The following DSG1 variants were observed in gnomAD, a reference collection of about 807,000 sequenced individuals.
DSG1 encodes desmoglein 1.
In DSG1, 39 loss-of-function variants were observed where a neutral mutation model predicts 97.5. The observed-to-expected ratio is 0.40, with a 90% CI of 0.31 to 0.52. DSG1 has a LOEUF of 0.52. Ranked by LOEUF, DSG1 falls within the 20% of genes least tolerant of loss-of-function variation. The pLI is 0.53. For missense variants in DSG1, 1,311 were observed against 1,295.4 expected, an observed-to-expected ratio of 1.01 and a Z score of -0.18; for synonymous variants, 475 against 443.4, an observed-to-expected ratio of 1.07 and a Z score of -0.90.
At position 31,323,976 on chromosome 18, in the gene DSG1, C is replaced by CTTTTTTTTTTTTTTT. The variant is rs1203163479; in HGVS notation, c.49-2597_49-2583dup. The stretch of plus-strand genomic sequence containing the variant: ...TCTTTCGCCACTCCTTCTCTCCTTC[C>CTTTTTTTTTTTTTTT]TTTTTTTTTTTTTTTTTTTTTTCTT... On this transcript the variant is annotated intron_variant, in intron 1 of 14. Transcript: ENST00000257192. Among the ~76,000 whole-genome samples, 36 of 94,978 alleles carry CTTTTTTTTTTTTTTT rather than the reference C, an allele frequency of 3.8e-4. 1 individual carries two copies. Among genetic ancestry groups the CTTTTTTTTTTTTTTT allele is most frequent in the Admixed American group, 5.7e-4 (4 of 7,028 alleles). The allele number at this position is 94,978 out of a possible 152,430, so 62.3% of individuals were successfully genotyped here. A position where few individuals can be genotyped will look rare whatever the true frequency, so the allele number is the denominator to read the frequency against.
intron 1 of DSG1, among the ~76,000 whole-genome samples, chr18:31,320,882 T>C (rs933911197): frequency 6.6e-6 from 1 of 152,180 alleles, no homozygotes; most frequent in African/African-American, 2.4e-5. Flanking sequence ...GTTTTAATGA[T>C]TTCTGAAAAT....
At position 31,355,578 on chromosome 18, in the gene DSG1, A is replaced by G; in HGVS notation, c.*232A>G. 2 of 557,514 alleles carry G rather than the reference A, an allele frequency of 3.6e-6. No individual in the cohort carries two copies. The highest frequency in any genetic ancestry group is 6.4e-6 in the Non-Finnish European group (2 of 312,012). The allele number at this position is 557,514 out of a possible 1,614,324, so 34.5% of individuals were successfully genotyped here. On this transcript the variant is annotated 3_prime_UTR_variant, in exon 15 of 15. Transcript: ENST00000257192. ...GGACTAAGGAACTAAAACTTGAGGC[A>G]GAGTCTTCTTTGTGCCTGAGTGGCC... is the stretch of plus-strand genomic sequence containing the variant.
In DSG1 at chr18:31,355,357, A is replaced by T; in HGVS notation, c.*11A>T. 6.2e-7 allele frequency: 1 copy of T among 1,613,446 alleles called. No individual in the cohort carries two copies. Among genetic ancestry groups the T allele is most frequent in the Non-Finnish European group, 8.5e-7 (1 of 1,179,550 alleles). On this transcript the variant is annotated 3_prime_UTR_variant, in exon 15 of 15. Transcript: ENST00000257192. Reference sequence around the variant, plus strand: ...CAATATAGCAAGTAGTCAGGACCCCAGCTCACTTTTTCATAGTCATTGTGG... The same window carrying T: ...CAATATAGCAAGTAGTCAGGACCCCTGCTCACTTTTTCATAGTCATTGTGG...
intron 13 of DSG1, 113 bp from the exon 14 acceptor site, chr18:31,345,877 T>C: frequency 1.3e-6 from 1 of 760,080 alleles, no homozygotes; most frequent in Non-Finnish European, 2.2e-6. Flanking sequence ...TTTTTATTTC[T>C]TTGTTCACAA....
In DSG1 at chr18:31,327,133, C is replaced by T. The variant is rs765054; in HGVS notation, c.216+128C>T. The T allele has an allele frequency of 0.46, 566,776 of 1,224,534 alleles. 138,331 individuals are homozygous for T. The highest frequency in any genetic ancestry group is 0.49 in the Non-Finnish European group (422,156 of 853,560). The allele number at this position is 1,224,534 out of a possible 1,614,324, so 75.9% of individuals were successfully genotyped here. On this transcript the variant is annotated intron_variant, in intron 3 of 14. Coordinates refer to ENST00000257192, the MANE Select transcript of DSG1 (RefSeq NM_001942.4). ...ACGATACAGAACAGAACTATAGTCA[C>T]CTAGATGATGAAAACTGAAACTCAT...
At chr18:31,339,707 G>A in intron 10 of DSG1, 37 bp from the exon 11 acceptor site, 1 of 1,517,066 alleles carries the variant, frequency 6.6e-7, no homozygotes, top group Middle Eastern at 1.7e-4. Flanking sequence ...TACACTAAAT[G>A]TCTAAAATAT....
intron 14 of DSG1, among the ~76,000 whole-genome samples, chr18:31,348,630 G>C (rs900980671): frequency 3.2e-4 from 49 of 151,438 alleles, no homozygotes; most frequent in Non-Finnish European, 6.6e-4. Flanking sequence ...CCCAGCACCT[G>C]TTGTTTCCTG....
chr18:31,336,794 T>C (rs1237339307), intron 9 of DSG1, among the ~76,000 whole-genome samples, 181 bp downstream of exon 9: 1 of 152,188 alleles, frequency 6.6e-6, no homozygotes, highest in African/African-American at 2.4e-5. Context: ...ACATAAAAAT[T>C]CATGCAAGAT....
In DSG1 at chr18:31,339,836, A is replaced by T; in HGVS notation, c.1498A>T (p.Ile500Phe). The T allele has an allele frequency of 6.2e-7, 1 of 1,614,062 alleles. No individual in the cohort carries two copies. Among genetic ancestry groups the T allele is most frequent in the Non-Finnish European group, 8.5e-7 (1 of 1,179,936 alleles). The change falls in exon 11 of 15, where the codon ATT becomes TTT. Residue 500 changes from isoleucine to phenylalanine, a missense_variant. Ile to Phe is a conservative substitution (Grantham distance 21, BLOSUM62 0). This residue lies in a region of DSG1 where 1,038 missense variants were observed against 964.6 expected (regional missense o/e 1.08). Transcript: ENST00000257192. ...GACTAATACAGAGCCGAACACTAAA[A>T]TTACTACCAATACTGGCAGACAAGA... ...DRTNTEPNTK[I>F]TTNTGRQEST... is the part of the protein sequence containing the mutation.
chr18:31,348,369 A>G (rs918558834), intron 14 of DSG1, among the ~76,000 whole-genome samples: 1 of 151,982 alleles, frequency 6.6e-6, no homozygotes, highest in African/African-American at 2.4e-5. Context: ...AGTCTACCAT[A>G]GATGGACATT....
intron 5 of DSG1, among the ~76,000 whole-genome samples, chr18:31,330,510 TC>T (rs1007777945): frequency 6.6e-6 from 1 of 152,122 alleles, no homozygotes; most frequent in Non-Finnish European, 1.5e-5. Flanking sequence ...ATTCCAAAAA[TC>T]CCTACACTTT....
chr18:31,323,491 G>C (rs544308147), intron 1 of DSG1, among the ~76,000 whole-genome samples: 9 of 152,062 alleles, frequency 5.9e-5, no homozygotes, highest in African/African-American at 2.2e-4. Flanking sequence ...CTTTGTCTTT[G>C]AGGTCCTTTC....
chr18:31,326,681 T>C, intron 2 of DSG1, 65 bp downstream of exon 2: 1 of 1,436,526 alleles, frequency 7.0e-7, no homozygotes, highest in South Asian at 1.2e-5. Flanking sequence ...AATAACAATA[T>C]GTTTTCTGAA....
rs1307990069 is a variant in DSG1 at position 31,355,680 on chromosome 18, A to G, written c.*334A>G. Reference sequence around the variant, plus strand: ...TCTCCTTGCTCTGTTTTGCTTTTCCATATAGCTCGAGCAAAATTCAAAAAG... The same window carrying G: ...TCTCCTTGCTCTGTTTTGCTTTTCCGTATAGCTCGAGCAAAATTCAAAAAG... On this transcript the variant is annotated 3_prime_UTR_variant, in exon 15 of 15. Transcript: ENST00000257192. The G allele has an allele frequency of 6.4e-6, 2 of 313,450 alleles. No homozygotes were observed. The highest frequency in any genetic ancestry group is 6.4e-5 in the East Asian group (1 of 15,504). The allele number at this position is 313,450 out of a possible 1,614,324, so 19.4% of individuals were successfully genotyped here.
Position 31,354,317 on chromosome 18 carries a change from T to C in DSG1, c.2121T>C (p.Asp707=). 6.2e-7 allele frequency: 1 copy of C among 1,614,186 alleles called. No homozygotes were observed. The highest frequency in any genetic ancestry group is 8.5e-7 in the Non-Finnish European group (1 of 1,180,006). ...TTCAGAAAGCATATGCTTACGCAGA[T>C]GAAGATGAAGGACGCCCATCTAATG... ...YFCQKAYAYA[D]EDEGRPSNDC... The change falls in exon 15 of 15, where the codon GAT becomes GAC. Residue 707 remains aspartate, a synonymous_variant. Transcript: ENST00000257192.
At chr18:31,350,483 A>G (rs1484988426) in intron 14 of DSG1, among the ~76,000 whole-genome samples, 2 of 149,974 alleles carry the variant, frequency 1.3e-5, no homozygotes, top group African/African-American at 2.5e-5. Context: ...CTGGCCTCAT[A>G]AAATGAGTTA....
chr18:31,329,731 C>T (rs2071708950), intron 4 of DSG1, among the ~76,000 whole-genome samples, 161 bp from the exon 5 acceptor site: 5 of 151,972 alleles, frequency 3.3e-5, no homozygotes, highest in Non-Finnish European at 5.9e-5. Context: ...CTTAAGAATG[C>T]CACATTTGCT....
In DSG1 at chr18:31,343,554, G is replaced by T. The variant is rs748064531; in HGVS notation, c.1792G>T (p.Ala598Ser). Residue 598 changes from alanine (A) to serine (S), a missense_variant, in exon 12 of 15, where the codon GCA becomes TCA. Ala to Ser is a moderately conservative substitution (Grantham distance 99). This residue lies in a region of DSG1 where 1,038 missense variants were observed against 964.6 expected (regional missense o/e 1.08). Transcript: ENST00000257192. ...TTCAGATGGAGCAATTCATTCATGG[G>T]CAGTAGAAGGACCACAGCCTGAACC... ...ECSDGAIHSW[A>S]VEGPQPEPRD... The T allele has an allele frequency of 6.2e-7, 1 of 1,614,108 alleles. No homozygotes were observed. Among genetic ancestry groups the T allele is most frequent in the Non-Finnish European group, 8.5e-7 (1 of 1,180,024 alleles).
At chr18:31,329,608 T>C (rs2144091138) in intron 4 of DSG1, among the ~76,000 whole-genome samples, 1 of 152,032 alleles carries the variant, frequency 6.6e-6, no homozygotes, top group South Asian at 2.1e-4. Flanking sequence ...ATATGAAATA[T>C]GCCATTTTGT....
Sources: gnomAD v4.1 joint callset for allele counts (sites outside exome capture counted in the v4.1 genomes callset) on GRCh38, gnomAD v4.1.1 for gene constraint, gnomAD v4.1.1 regional missense constraint, MANE v1.5 for transcripts, NCBI Gene and HGNC (gene_info 2026-07-23, HGNC 2026-07-21) for gene names.